The following ZNRF3 variants were observed in gnomAD, a reference collection of about 807,000 sequenced individuals.
ZNRF3 encodes E3 ubiquitin-protein ligase ZNRF3.
Under a neutral mutation model 72.5 loss-of-function variants are expected in ZNRF3, and 23 were observed. That is an observed-to-expected ratio of 0.32 (90% CI 0.23 to 0.45). The LOEUF (loss-of-function observed/expected upper bound fraction) is 0.45, where lower values mean the gene tolerates loss of function less well. Among genes scored for constraint, ZNRF3 ranks in the 20% least tolerant of loss-of-function variants. The pLI, the probability that ZNRF3 is intolerant of heterozygous loss-of-function variation, is 1.00. For synonymous variants in ZNRF3, 610 were observed against 545.3 expected, an observed-to-expected ratio of 1.12 and a Z score of -1.65; for missense variants, 1,169 against 1,272.1, an observed-to-expected ratio of 0.92 and a Z score of 1.23.
In ZNRF3 at chr22:29,042,503, A is replaced by G; in HGVS notation, c.435A>G (p.Arg145=). ...PCLTVLGKAK[R]AVQRGATAVI... ...TTTTTTAACTCTGGCAGGCCAAGCG[A>G]GCAGTACAGCGGGGAGCTACTGCAG... The change falls in exon 3 of 9, where the codon CGA becomes CGG. Residue 145 remains arginine (R), a synonymous_variant. Transcript: ENST00000544604. The G allele has an allele frequency of 8.1e-6, 13 of 1,613,850 alleles. No individual in the cohort carries two copies. The highest frequency in any genetic ancestry group is 1.1e-5 in the Non-Finnish European group (13 of 1,179,996).
intron 2 of ZNRF3, among the ~76,000 whole-genome samples, chr22:28,993,707 G>A (rs1182343192): frequency 6.6e-6 from 1 of 152,198 alleles, no homozygotes; most frequent in Admixed American, 6.5e-5. Flanking sequence ...TTCTGAGACA[G>A]GGTCTTGCTC....
intron 2 of ZNRF3, among the ~76,000 whole-genome samples, chr22:29,006,215 T>TTTC (rs1179972527): frequency 4.4e-5 from 2 of 45,006 alleles, no homozygotes; most frequent in African/African-American, 7.6e-5. Context: ...ATCCGTTTCT[T>TTTC]TTTTTTTTTT....
intron 1 of ZNRF3, among the ~76,000 whole-genome samples, chr22:28,967,925 C>CAAA (rs371787941): frequency 2.8e-5 from 2 of 70,612 alleles, no homozygotes; most frequent in Non-Finnish European, 6.2e-5. Context: ...CACCGTGTCT[C>CAAA]AAAAAAAAAA....
At chr22:29,016,543 A>G (rs767884189) in intron 2 of ZNRF3, among the ~76,000 whole-genome samples, 2 of 152,238 alleles carry the variant, frequency 1.3e-5, no homozygotes, top group Non-Finnish European at 2.9e-5. Flanking sequence ...GACTTGAGAT[A>G]GAGCTTGAAT....
At chr22:29,020,961 T>G (rs1031883304) in intron 2 of ZNRF3, among the ~76,000 whole-genome samples, 1 of 152,088 alleles carries the variant, frequency 6.6e-6, no homozygotes, top group Non-Finnish European at 1.5e-5. Context: ...CACGCCTGGC[T>G]GATTTTTTGT....
chr22:29,004,379 T>C (rs951142828), intron 2 of ZNRF3, among the ~76,000 whole-genome samples: 1 of 152,224 alleles, frequency 6.6e-6, no homozygotes, highest in Non-Finnish European at 1.5e-5. Context: ...AGGCACAGTA[T>C]CTCAGATACT....
intron 1 of ZNRF3, among the ~76,000 whole-genome samples, chr22:28,946,203 G>C (rs2035049671): frequency 6.6e-6 from 1 of 152,106 alleles, no homozygotes; most frequent in Non-Finnish European, 1.5e-5. Context: ...TGTTTTAATT[G>C]ACTCTTCACC....
intron 2 of ZNRF3, among the ~76,000 whole-genome samples, chr22:29,038,070 A>G (rs2036895991): frequency 6.6e-6 from 1 of 152,050 alleles, no homozygotes; most frequent in South Asian, 2.1e-4. Flanking sequence ...CATCTTTCCC[A>G]TCCTTTCTTT....
At chr22:28,926,305 G>T (rs1450951259) in intron 1 of ZNRF3, among the ~76,000 whole-genome samples, 1 of 152,186 alleles carries the variant, frequency 6.6e-6, no homozygotes, top group East Asian at 1.9e-4. Flanking sequence ...GTTTTAAATT[G>T]ATTTGAAGAA....
chr22:28,932,678 T>C (rs2034728500), intron 1 of ZNRF3, among the ~76,000 whole-genome samples: 1 of 152,194 alleles, frequency 6.6e-6, no homozygotes, highest in South Asian at 2.1e-4. Flanking sequence ...CCCAAAAGCC[T>C]GGGCAGAGCT....
At chr22:28,898,737 C>T (rs2034047263) in intron 1 of ZNRF3, among the ~76,000 whole-genome samples, 2 of 152,106 alleles carry the variant, frequency 1.3e-5, no homozygotes, top group Admixed American at 6.6e-5. Flanking sequence ...TGTGTTTAAG[C>T]GCTGTGTGGG....
At chr22:28,999,751 G>A (rs1323455835) in intron 2 of ZNRF3, among the ~76,000 whole-genome samples, 1 of 152,204 alleles carries the variant, frequency 6.6e-6, no homozygotes, top group Non-Finnish European at 1.5e-5. Context: ...TGTCTACGAA[G>A]CTCCCAGAAA....
intron 1 of ZNRF3, among the ~76,000 whole-genome samples, chr22:28,901,062 G>A (rs1302031450): frequency 6.6e-6 from 1 of 152,070 alleles, no homozygotes; most frequent in Non-Finnish European, 1.5e-5. Flanking sequence ...AGTGAGCTGT[G>A]GTAGTGCCAC....
rs548919934 is a variant in ZNRF3, at chr22:28,916,501, C to T, written c.300+32435C>T. ...TTAAAATTATTAGTTATTCTCTTCA[C>T]TTTTGGAAATTGTTTACTTTTTATT... On this transcript the variant is annotated intron_variant, in intron 1 of 8. Transcript: ENST00000544604. Among the ~76,000 whole-genome samples the T allele has an allele frequency of 2.0e-5, 3 of 152,286 alleles. No homozygotes were observed. The South Asian group carries it at 6.2e-4, about 32-fold the overall frequency.
intron 1 of ZNRF3, among the ~76,000 whole-genome samples, chr22:28,973,817 C>A (rs1182491102): frequency 6.6e-6 from 1 of 152,170 alleles, no homozygotes; most frequent in Non-Finnish European, 1.5e-5. Flanking sequence ...GAACCTGCCT[C>A]TCAAGGGCCT....
chr22:28,907,571 T>C (rs1255771112), intron 1 of ZNRF3, among the ~76,000 whole-genome samples: 1 of 152,190 alleles, frequency 6.6e-6, no homozygotes, highest in Non-Finnish European at 1.5e-5. Context: ...GATTTGTTGA[T>C]AAGATTTTGC....
At chr22:28,995,777 CT>C (rs534731089) in intron 2 of ZNRF3, among the ~76,000 whole-genome samples, 1,841 of 141,510 alleles carry the variant, frequency 0.013, 19 homozygotes, top group Middle Eastern at 0.022. Flanking sequence ...TCAAAACTGC[CT>C]TTTTTTTTTT....
intron 1 of ZNRF3, among the ~76,000 whole-genome samples, chr22:28,888,880 G>A (rs981000186): frequency 1.3e-5 from 2 of 152,184 alleles, no homozygotes; most frequent in African/African-American, 4.8e-5. Context: ...CACTTTGGGA[G>A]GTCGAGGCGG....
intron 2 of ZNRF3, among the ~76,000 whole-genome samples, chr22:29,028,840 A>C (rs1195596099): frequency 1.3e-5 from 2 of 152,208 alleles, no homozygotes; most frequent in African/African-American, 4.8e-5. Context: ...TCTATGACCA[A>C]GCAGGGGGGC....
Sources: allele counts gnomAD v4.1 joint callset (sites outside exome capture counted in the v4.1 genomes callset), GRCh38; gene constraint gnomAD v4.1.1; transcripts MANE v1.5; gene names NCBI Gene and HGNC (gene_info 2026-07-23, HGNC 2026-07-21).